Variants in LTBP1 observed in about 807,000 individuals in gnomAD.
The protein encoded by LTBP1 is latent-transforming growth factor beta-binding protein 1.
LTBP1 carries 129 observed loss-of-function variants against 207.6 expected under a neutral mutation model. The observed-to-expected ratio is 0.62, with a 90% CI of 0.54 to 0.72. LTBP1 has a LOEUF of 0.72. Ranked by LOEUF, LTBP1 falls within the 30% of genes least tolerant of loss-of-function variation. LTBP1 has a pLI of 0.00. For missense variants in LTBP1, 2,281 were observed against 2,217.2 expected (o/e 1.03, Z -0.58); for synonymous variants, 963 against 833.7 (o/e 1.16, Z -2.67).
At chr2:33,225,118 A>T (rs999538529) in intron 9 of LTBP1, among the ~76,000 whole-genome samples, 4 of 152,068 alleles carry the variant, frequency 2.6e-5, no homozygotes, top group Non-Finnish European at 5.9e-5. Flanking sequence ...TTTTAAAAAA[A>T]TTTCCTTTTA....
At chr2:33,236,248 T>C (rs762744943) in intron 9 of LTBP1, among the ~76,000 whole-genome samples, 2 of 152,194 alleles carry the variant, frequency 1.3e-5, no homozygotes, top group Non-Finnish European at 2.9e-5. Context: ...TGTATTTTCA[T>C]TTAATCTCAG....
intron 5 of LTBP1, among the ~76,000 whole-genome samples, chr2:33,185,152 A>T (rs2087059759): frequency 6.6e-6 from 1 of 152,196 alleles, no homozygotes. Flanking sequence ...GAACTGAATT[A>T]AGTTCCATGT....
At chr2:33,021,615 A>G (rs1268303539) in intron 3 of LTBP1, among the ~76,000 whole-genome samples, 1 of 152,250 alleles carries the variant, frequency 6.6e-6, no homozygotes, top group African/African-American at 2.4e-5. Flanking sequence ...GGAAAAGGTA[A>G]GAACTCAGCT....
intron 20 of LTBP1, among the ~76,000 whole-genome samples, chr2:33,294,299 CG>C (rs1337927347): frequency 3.3e-5 from 5 of 151,532 alleles, no homozygotes; most frequent in Non-Finnish European, 5.9e-5. Flanking sequence ...TGGGTTCTAG[CG>C]AATCTCCTGC....
intron 24 of LTBP1, among the ~76,000 whole-genome samples, chr2:33,317,202 A>G (rs1437756787): frequency 1.3e-5 from 2 of 152,192 alleles, no homozygotes; most frequent in Non-Finnish European, 2.9e-5. Context: ...GAATTTAAAA[A>G]TGTGGTTTTA....
At chr2:33,194,929 T>G (rs1235552273) in intron 7 of LTBP1, among the ~76,000 whole-genome samples, 3 of 152,218 alleles carry the variant, frequency 2.0e-5, no homozygotes, top group Non-Finnish European at 4.4e-5. Flanking sequence ...CTATGGCCCT[T>G]AAGAACTATG....
intron 24 of LTBP1, among the ~76,000 whole-genome samples, chr2:33,316,971 C>T (rs1402840156): frequency 6.6e-6 from 1 of 151,794 alleles, no homozygotes; most frequent in East Asian, 1.9e-4. Flanking sequence ...AAATTATATT[C>T]AGAAAAAAAA....
At chr2:33,114,895 A>C (rs1259905676) in intron 4 of LTBP1, among the ~76,000 whole-genome samples, 1 of 152,148 alleles carries the variant, frequency 6.6e-6, no homozygotes, top group African/African-American at 2.4e-5. Flanking sequence ...ACACCTAGCT[A>C]TATATCCAAA....
Position 33,295,271 on chromosome 2 carries a change from G to A in LTBP1, c.3235+1989G>A, listed in dbSNP as rs548344688. Among the ~76,000 whole-genome samples the A allele has an allele frequency of 4.1e-3, 624 of 151,864 alleles. 3 individuals carry two copies. Among genetic ancestry groups the A allele is most frequent in the Non-Finnish European group, 6.8e-3 (465 of 67,934 alleles). ...ATATAAACGTATGTACATGTGGCCGGACACAGCACTTTGGGAGGCCCAAGG... is the reference window on the plus strand; with the variant it reads ...ATATAAACGTATGTACATGTGGCCGAACACAGCACTTTGGGAGGCCCAAGG... On this transcript the variant is annotated intron_variant, in intron 20 of 33. Coordinates refer to ENST00000404816, the MANE Select transcript of LTBP1 (RefSeq NM_206943.4).
chr2:33,203,903 C>T (rs772519720), intron 7 of LTBP1, among the ~76,000 whole-genome samples: 1 of 152,108 alleles, frequency 6.6e-6, no homozygotes, highest in Non-Finnish European at 1.5e-5. Context: ...TTTTAAGAGA[C>T]GATGGCTTGA....
At chr2:33,373,998 T>G (rs1358731888) in intron 31 of LTBP1, among the ~76,000 whole-genome samples, 2 of 152,194 alleles carry the variant, frequency 1.3e-5, no homozygotes, top group African/African-American at 4.8e-5. Context: ...ACAATTCGGC[T>G]AGTGATTTCT....
intron 4 of LTBP1, among the ~76,000 whole-genome samples, chr2:33,117,664 C>G (rs1032152614): frequency 6.6e-6 from 1 of 152,194 alleles, no homozygotes; most frequent in African/African-American, 2.4e-5. Context: ...CTTAAAGGCT[C>G]TGGATGCCTA....
intron 2 of LTBP1, 95 bp downstream of exon 2, chr2:32,949,040 C>G (rs549357995): frequency 2.5e-5 from 30 of 1,215,292 alleles, no homozygotes; most frequent in South Asian, 2.2e-4. Context: ...TGAAAGGGCT[C>G]GGGGGAAGTT....
In LTBP1 at chr2:33,386,059, C is replaced by T. The variant is rs188046206; in HGVS notation, c.4712-3125C>T. ...CCCCAACCCATTACCCTCCACTGCC[C>T]GCTTCCCTAGCCTTGGTCTAGTCAG... On this transcript the variant is annotated intron_variant, in intron 31 of 33. Transcript: ENST00000404816. 3.1e-4 allele frequency among the ~76,000 whole-genome samples: 47 copies of T among 152,254 alleles called. 1 individual carries two copies. The highest frequency in any genetic ancestry group is 2.5e-3 in the Admixed American group (38 of 15,292).
rs2094319556 is a variant in LTBP1, at chr2:33,319,341, T to A, written c.3730+4072T>A. Among the ~76,000 whole-genome samples the A allele has an allele frequency of 2.6e-5, 4 of 151,506 alleles. No individual in the cohort carries two copies. In the South Asian group the frequency reaches 8.4e-4, roughly 32 times the overall value. On this transcript the variant is annotated intron_variant, in intron 24 of 33. Coordinates refer to ENST00000404816, the MANE Select transcript of LTBP1 (RefSeq NM_206943.4). ...TGTACCCAGGAGGCAGAGGTTGTAGTGAGCCGAGATTGCGCCATTGCACTC... is the reference window on the plus strand; with the variant it reads ...TGTACCCAGGAGGCAGAGGTTGTAGAGAGCCGAGATTGCGCCATTGCACTC...
At chr2:33,251,560 G>A (rs1354010931) in intron 10 of LTBP1, among the ~76,000 whole-genome samples, 3 of 151,858 alleles carry the variant, frequency 2.0e-5, no homozygotes, top group Admixed American at 2.0e-4. Context: ...ACCTACTCAG[G>A]AGGCTGAGGC....
intron 24 of LTBP1, among the ~76,000 whole-genome samples, chr2:33,325,627 T>C (rs1164881310): frequency 6.6e-6 from 1 of 152,234 alleles, no homozygotes; most frequent in African/African-American, 2.4e-5. Context: ...ATAGAGCCTT[T>C]TAAAAACTTA....
In LTBP1 at chr2:33,022,013, G is replaced by A. The variant is rs2075196294; in HGVS notation, c.863+807G>A. ...CATTTGTCTAGGAAGGTAAAATACA[G>A]GAAGTTCCCAACTTAAAAATGGGCT... On this transcript the variant is annotated intron_variant, in intron 3 of 33. Coordinates refer to ENST00000404816, the MANE Select transcript of LTBP1 (RefSeq NM_206943.4). Among the ~76,000 whole-genome samples the A allele has an allele frequency of 2.6e-5, 4 of 152,134 alleles. No individual in the cohort carries two copies. In the South Asian group the frequency reaches 8.3e-4, roughly 32 times the overall value.
At chr2:33,311,583 A>T (rs1450437682) in intron 23 of LTBP1, among the ~76,000 whole-genome samples, 1 of 150,320 alleles carries the variant, frequency 6.7e-6, no homozygotes, top group African/African-American at 2.4e-5. Flanking sequence ...TTTTTATTAT[A>T]GGCTTTTTGG....
Sources: allele counts gnomAD v4.1 joint callset (sites outside exome capture counted in the v4.1 genomes callset), GRCh38; gene constraint gnomAD v4.1.1; transcripts MANE v1.5; gene names NCBI Gene and HGNC (gene_info 2026-07-23, HGNC 2026-07-21).